The following AGBL4 variants were observed in gnomAD, a reference collection of about 807,000 sequenced individuals.
AGBL4 encodes the protein cytosolic carboxypeptidase 6.
A neutral mutation model predicts 66.4 loss-of-function variants in AGBL4; 58 were observed. That is an observed-to-expected ratio of 0.87 (90% CI 0.71 to 1.09). AGBL4 has a LOEUF of 1.09. Ranked by LOEUF, AGBL4 falls within the 50% of genes least tolerant of loss-of-function variation. The pLI is 0.00. For synonymous variants in AGBL4, 234 were observed against 222.9 expected (o/e 1.05, Z -0.44); for missense variants, 579 against 631.0 (o/e 0.92, Z 0.88).
At chr1:49,358,791 G>A (rs184031181) in intron 3 of AGBL4, among the ~76,000 whole-genome samples, 57 of 152,226 alleles carry the variant, frequency 3.7e-4, no homozygotes, top group Admixed American at 1.2e-3. Flanking sequence ...CTTTTCAATG[G>A]AAAATAATAG....
intron 1 of AGBL4, among the ~76,000 whole-genome samples, chr1:49,892,196 G>T (rs1446496708): frequency 6.6e-6 from 1 of 152,140 alleles, no homozygotes; most frequent in East Asian, 1.9e-4. Flanking sequence ...TTTGAGTTTG[G>T]TAAGGACAAT....
rs1450095606 is a variant in AGBL4 at position 49,273,455 on chromosome 1, ATAAAAC to A, written c.283-27597_283-27592del. Among the ~76,000 whole-genome samples the A allele has an allele frequency of 6.0e-5, 9 of 150,872 alleles. No individual in the cohort carries two copies. In the South Asian group the frequency reaches 8.3e-4, roughly 14 times the overall value. ...ATTTTTATGTTACTTTCAATAAAAA[ATAAAAC>A]TAAATATAAAAAATTTAAAAATTAT... On this transcript the variant is annotated intron_variant, in intron 3 of 13. Coordinates refer to ENST00000371839, the MANE Select transcript of AGBL4 (RefSeq NM_032785.4).
intron 3 of AGBL4, among the ~76,000 whole-genome samples, chr1:49,302,827 CT>C (rs1644779433): frequency 6.6e-6 from 1 of 151,836 alleles, no homozygotes; most frequent in Admixed American, 6.6e-5. Context: ...CCCCTGCCCC[CT>C]GACAGGCCTC....
At chr1:49,412,171 A>G (rs1227488410) in intron 3 of AGBL4, among the ~76,000 whole-genome samples, 1 of 152,200 alleles carries the variant, frequency 6.6e-6, no homozygotes, top group African/African-American at 2.4e-5. Context: ...AAAGTACCAT[A>G]GACTGGGTGG....
intron 3 of AGBL4, among the ~76,000 whole-genome samples, chr1:49,322,775 C>T (rs1373924922): frequency 1.3e-5 from 2 of 152,142 alleles, no homozygotes; most frequent in African/African-American, 2.4e-5. Flanking sequence ...GCCTCCAGAA[C>T]TATGAGAGAA....
chr1:49,555,434 T>C, intron 3 of AGBL4, among the ~76,000 whole-genome samples: 1 of 149,872 alleles, frequency 6.7e-6, no homozygotes, highest in East Asian at 2.1e-4. Context: ...CACAGAGCAC[T>C]GATTGGTGTG....
chr1:48,697,351 G>A (rs1646728449), intron 6 of AGBL4, among the ~76,000 whole-genome samples: 1 of 152,070 alleles, frequency 6.6e-6, no homozygotes, highest in Non-Finnish European at 1.5e-5. Flanking sequence ...AGAAAGGCTA[G>A]GGAAAGGAAG....
intron 6 of AGBL4, among the ~76,000 whole-genome samples, chr1:48,726,531 C>G (rs1303097149): frequency 6.6e-6 from 1 of 152,114 alleles, no homozygotes; most frequent in African/African-American, 2.4e-5. Flanking sequence ...CACATATTAA[C>G]TATCTGTTAT....
chr1:49,764,634 C>T (rs142551700), intron 2 of AGBL4, among the ~76,000 whole-genome samples: 3,339 of 152,206 alleles, frequency 0.022, 63 homozygotes, highest in Non-Finnish European at 0.034. Context: ...CTGACCATTT[C>T]CTCAAGGGCT....
chr1:49,948,045 T>C (rs1322920751), intron 1 of AGBL4, among the ~76,000 whole-genome samples: 1 of 6,546 alleles, frequency 1.5e-4, no homozygotes, highest in Non-Finnish European at 8.2e-4. Flanking sequence ...TACATATAAA[T>C]ATATAAATAT....
chr1:48,758,107 AG>A (rs1336260064), intron 6 of AGBL4, among the ~76,000 whole-genome samples: 2 of 152,242 alleles, frequency 1.3e-5, no homozygotes, highest in African/African-American at 4.8e-5. Context: ...TAGTTAAAAT[AG>A]GGTGCAATAT....
chr1:48,868,093 A>T (rs1460126004), intron 5 of AGBL4, among the ~76,000 whole-genome samples: 9 of 151,980 alleles, frequency 5.9e-5, no homozygotes, highest in Non-Finnish European at 2.9e-5. Context: ...CCTCCTGCTG[A>T]CCTCTTTCTC....
At chr1:49,482,542 T>C (rs2148728749) in intron 3 of AGBL4, among the ~76,000 whole-genome samples, 1 of 146,642 alleles carries the variant, frequency 6.8e-6, no homozygotes, top group Non-Finnish European at 1.5e-5. Flanking sequence ...TTAGTCTAGC[T>C]AGCAGTCTAT....
chr1:48,984,986 G>A (rs961265394), intron 5 of AGBL4, among the ~76,000 whole-genome samples: 11 of 152,126 alleles, frequency 7.2e-5, no homozygotes, highest in South Asian at 2.1e-4. Flanking sequence ...AGGGACTTAC[G>A]ATGCCATAAT....
chr1:49,971,907 G>GTTGTTTGTTTTTTTTTTTT (rs1553155278), intron 1 of AGBL4, among the ~76,000 whole-genome samples: 1 of 23,428 alleles, frequency 4.3e-5, no homozygotes, highest in Non-Finnish European at 7.9e-5. Flanking sequence ...GTTTTTTTGG[G>GTTGTTTGTTTTTTTTTTTT]TTTTTTTTTT....
intron 3 of AGBL4, among the ~76,000 whole-genome samples, chr1:49,486,909 T>C (rs1167304): frequency 0.074 from 11,297 of 151,946 alleles, 1,323 homozygotes; most frequent in African/African-American, 0.25. Context: ...TTGTGAGCAA[T>C]AGTTGCTATA....
At chr1:49,536,663 G>T (rs537539534) in intron 3 of AGBL4, among the ~76,000 whole-genome samples, 18 of 152,180 alleles carry the variant, frequency 1.2e-4, no homozygotes, top group Admixed American at 2.6e-4. Flanking sequence ...ATATTACAAG[G>T]CTATAGTAAC....
chr1:48,961,547 TC>T (rs939709496), intron 5 of AGBL4, among the ~76,000 whole-genome samples: 2 of 152,112 alleles, frequency 1.3e-5, no homozygotes, highest in African/African-American at 4.8e-5. Flanking sequence ...CACAGTAAGC[TC>T]AAGGCTGGGG....
At chr1:49,490,402 G>GT (rs945596545) in intron 3 of AGBL4, among the ~76,000 whole-genome samples, 9 of 151,386 alleles carry the variant, frequency 5.9e-5, no homozygotes, top group East Asian at 1.9e-4. Context: ...GCATATTGCT[G>GT]TTTTTTTCCT....
Sources: allele counts gnomAD v4.1 joint callset (sites outside exome capture counted in the v4.1 genomes callset), GRCh38; gene constraint gnomAD v4.1.1; transcripts MANE v1.5; gene names NCBI Gene and HGNC (gene_info 2026-07-23, HGNC 2026-07-21).